The following EXOC4 variants were observed in gnomAD, a reference collection of about 807,000 sequenced individuals.
The protein encoded by EXOC4 is exocyst complex component 4.
A neutral mutation model predicts 107.2 loss-of-function variants in EXOC4; 71 were observed. That is an observed-to-expected ratio of 0.66 (90% CI 0.55 to 0.81). EXOC4 has a LOEUF of 0.81. EXOC4 is among the 30% of genes least tolerant of loss of function. The pLI is 0.00. For missense variants in EXOC4, 1,108 were observed against 1,189.6 expected (o/e 0.93, Z 1.01); for synonymous variants, 456 against 441.2 (o/e 1.03, Z -0.42).
chr7:133,398,487 AC>A (rs1304633826), intron 7 of EXOC4, among the ~76,000 whole-genome samples: 1 of 151,980 alleles, frequency 6.6e-6, no homozygotes, highest in Non-Finnish European at 1.5e-5. Context: ...TTGCATGTAA[AC>A]CTTTTTCCTA....
At chr7:133,951,325 G>A (rs566595607) in intron 14 of EXOC4, among the ~76,000 whole-genome samples, 9 of 152,320 alleles carry the variant, frequency 5.9e-5, no homozygotes, top group East Asian at 1.9e-4. Context: ...TGATGATGTC[G>A]TCTGTATTAT....
chr7:133,717,212 C>A (rs1056088875), intron 10 of EXOC4, among the ~76,000 whole-genome samples: 1 of 152,066 alleles, frequency 6.6e-6, no homozygotes, highest in African/African-American at 2.4e-5. Context: ...AGTGAAATTG[C>A]CTTTTGTGTG....
At chr7:133,786,666 C>T (rs1303358755) in intron 10 of EXOC4, among the ~76,000 whole-genome samples, 2 of 152,206 alleles carry the variant, frequency 1.3e-5, no homozygotes, top group Non-Finnish European at 2.9e-5. Flanking sequence ...AGAAGGTCTG[C>T]ACTTTGTGTC....
intron 17 of EXOC4, among the ~76,000 whole-genome samples, chr7:134,058,919 T>C (rs1795992010): frequency 6.6e-6 from 1 of 152,206 alleles, no homozygotes; most frequent in African/African-American, 2.4e-5. Context: ...TAGTTCCTAT[T>C]TAAAAGGATT....
rs576090296 is a variant in EXOC4, at chr7:133,739,722, C to G, written c.1515-77603C>G. Among the ~76,000 whole-genome samples, 4 of 152,310 alleles carry G rather than the reference C, an allele frequency of 2.6e-5. No individual in the cohort carries two copies. In the South Asian group the frequency reaches 8.3e-4, roughly 32 times the overall value. On this transcript the variant is annotated intron_variant, in intron 10 of 17. Transcript: ENST00000253861. ...TTTTAGCCCACCCTAGCCCTAAACACACAGGGAAGAGAATTCTGGGAAATG... is the reference window on the plus strand; with the variant it reads ...TTTTAGCCCACCCTAGCCCTAAACAGACAGGGAAGAGAATTCTGGGAAATG...
intron 7 of EXOC4, among the ~76,000 whole-genome samples, chr7:133,436,900 A>G (rs1797988504): frequency 1.3e-5 from 2 of 152,054 alleles, no homozygotes; most frequent in Non-Finnish European, 2.9e-5. Context: ...AATTTCCTGG[A>G]GGCATATAAT....
At chr7:134,073,205 C>CAAAAAAAAAAAAAAAAAAAAAAAAAAA in the EXOC4 span, among the ~76,000 whole-genome samples, 1 of 22,588 alleles carries the variant, frequency 4.4e-5, no homozygotes. Flanking sequence ...GACTTCCTCT[C>CAAAAAAAAAAAAAAAAAAAAAAAAAAA]AAAAAAAAAA....
At chr7:133,361,531 C>T (rs532955407) in intron 6 of EXOC4, among the ~76,000 whole-genome samples, 15 of 152,300 alleles carry the variant, frequency 9.8e-5, no homozygotes, top group South Asian at 2.1e-4. Context: ...CTGCCTGCCT[C>T]GGCCTCCCGA....
intron 8 of EXOC4, 137 bp from the exon 9 acceptor site, chr7:133,479,913 G>A: frequency 1.4e-6 from 1 of 719,176 alleles, no homozygotes; most frequent in African/African-American, 1.7e-5. Context: ...GCCCTGTCAT[G>A]GTATAGCCAA....
At chr7:133,595,149 C>A (rs917443401) in intron 9 of EXOC4, among the ~76,000 whole-genome samples, 1 of 151,906 alleles carries the variant, frequency 6.6e-6, no homozygotes, top group Non-Finnish European at 1.5e-5. Context: ...TTTTCCCCAT[C>A]GAGGAAAGGA....
intron 17 of EXOC4, among the ~76,000 whole-genome samples, chr7:134,025,216 G>T (rs529850924): frequency 2.0e-5 from 3 of 152,178 alleles, no homozygotes; most frequent in African/African-American, 7.2e-5. Flanking sequence ...AGTGAAGTTT[G>T]GAGTCTTACA....
chr7:133,865,141 G>T (rs971327603), intron 11 of EXOC4, among the ~76,000 whole-genome samples: 2 of 151,684 alleles, frequency 1.3e-5, no homozygotes, highest in African/African-American at 4.8e-5. Context: ...CATGGGACAG[G>T]GATGTTATCT....
intron 9 of EXOC4, among the ~76,000 whole-genome samples, chr7:133,574,491 TG>T (rs1202248325): frequency 6.6e-6 from 1 of 152,242 alleles, no homozygotes; most frequent in African/African-American, 2.4e-5. Context: ...GCCCTGATTT[TG>T]GGACTGGGTA....
intron 17 of EXOC4, among the ~76,000 whole-genome samples, chr7:134,039,290 A>C (rs1795461502): frequency 6.6e-6 from 1 of 152,102 alleles, no homozygotes; most frequent in African/African-American, 2.4e-5. Context: ...GTGCATAATA[A>C]ACCTTGGAGT....
At chr7:133,370,972 G>T (rs1483238460) in intron 6 of EXOC4, among the ~76,000 whole-genome samples, 1 of 152,148 alleles carries the variant, frequency 6.6e-6, no homozygotes, top group Non-Finnish European at 1.5e-5. Flanking sequence ...AAAGATGTAG[G>T]CAGTGTCAGT....
intron 17 of EXOC4, among the ~76,000 whole-genome samples, chr7:134,053,296 A>T (rs1213622268): frequency 6.6e-6 from 1 of 151,648 alleles, no homozygotes; most frequent in Non-Finnish European, 1.5e-5. Context: ...GCATTGGAGG[A>T]GGGGGAAGCA....
At chr7:133,705,917 A>G (rs552119246) in intron 10 of EXOC4, among the ~76,000 whole-genome samples, 7 of 152,356 alleles carry the variant, frequency 4.6e-5, no homozygotes, top group African/African-American at 1.4e-4. Flanking sequence ...TTGACTGCAG[A>G]TAACTGAAGC....
chr7:133,703,600 C>T (rs918342377), intron 10 of EXOC4, among the ~76,000 whole-genome samples: 1 of 152,122 alleles, frequency 6.6e-6, no homozygotes, highest in Non-Finnish European at 1.5e-5. Context: ...CCTTTTTGTT[C>T]ATATAATAAT....
intron 9 of EXOC4, among the ~76,000 whole-genome samples, chr7:133,607,029 A>T (rs1352531053): frequency 6.6e-6 from 1 of 152,120 alleles, no homozygotes; most frequent in Admixed American, 6.6e-5. Context: ...TACAATGCGT[A>T]TTTGCTAATA....
Sources: allele counts gnomAD v4.1 joint callset (sites outside exome capture counted in the v4.1 genomes callset), GRCh38; gene constraint gnomAD v4.1.1; transcripts MANE v1.5; gene names NCBI Gene and HGNC (gene_info 2026-07-23, HGNC 2026-07-21).